The following DECR1 variants were observed in gnomAD, a reference collection of about 807,000 sequenced individuals.
DECR1 encodes 2,4-dienoyl-CoA reductase 1, also known as 2,4-dienoyl-CoA reductase [(3E)-enoyl-CoA-producing], mitochondrial.
Under a neutral mutation model 38.8 loss-of-function variants are expected in DECR1, and 44 were observed. The ratio of observed to expected loss-of-function variants is 1.13; its 90% CI spans 0.89 to 1.46. The LOEUF (loss-of-function observed/expected upper bound fraction) is 1.46, where lower values mean the gene tolerates loss of function less well. Among genes scored for constraint, DECR1 ranks in the 40% most tolerant of loss-of-function variants. The pLI, the probability that DECR1 is intolerant of heterozygous loss-of-function variation, is 0.00. For synonymous variants in DECR1, 148 were observed against 135.2 expected, an observed-to-expected ratio of 1.09 and a Z score of -0.66; for missense variants, 428 against 405.5, an observed-to-expected ratio of 1.06 and a Z score of -0.48.
chr8:90,046,384 G>A (rs990697079), intron 8 of DECR1, among the ~76,000 whole-genome samples: 1 of 152,180 alleles, frequency 6.6e-6, no homozygotes, highest in Non-Finnish European at 1.5e-5. Context: ...TGAGAAATAC[G>A]TGATGCATGA....
chr8:90,011,293 A>G (rs1309119353), intron 1 of DECR1, among the ~76,000 whole-genome samples: 2 of 152,184 alleles, frequency 1.3e-5, no homozygotes, highest in African/African-American at 2.4e-5. Flanking sequence ...CTTTTGGTAG[A>G]TAATAGATCC....
chr8:90,006,721 A>G (rs992292865), intron 1 of DECR1, among the ~76,000 whole-genome samples: 4 of 152,126 alleles, frequency 2.6e-5, no homozygotes, highest in Non-Finnish European at 5.9e-5. Flanking sequence ...CAAAATTGTG[A>G]GCAGAAATAC....
chr8:90,028,704 C>T (rs1785795641), intron 5 of DECR1, among the ~76,000 whole-genome samples: 1 of 151,346 alleles, frequency 6.6e-6, no homozygotes, highest in Admixed American at 6.6e-5. Context: ...TCCCTCCTTC[C>T]CTTCCTTCCT....
intron 5 of DECR1, among the ~76,000 whole-genome samples, chr8:90,034,484 T>C (rs1029426883): frequency 6.6e-6 from 1 of 152,142 alleles, no homozygotes; most frequent in Non-Finnish European, 1.5e-5. Flanking sequence ...GGAGTCTCAC[T>C]CTTGTCACCC....
chr8:90,006,028 A>G, intron 1 of DECR1: 1 of 603,832 alleles, frequency 1.7e-6, no homozygotes. Context: ...CTCACTTGCC[A>G]CTGCCAGGAT....
Position 90,042,808 on chromosome 8 carries a change from G to T in DECR1, c.738+8G>T, listed in dbSNP as rs750666123. 1 of 1,608,956 alleles carries T rather than the reference G, an allele frequency of 6.2e-7. No homozygotes were observed. Among genetic ancestry groups the T allele is most frequent in the Non-Finnish European group, 8.5e-7 (1 of 1,175,518 alleles). ...GGGCCTATAAAAACCAAAGTAAGTT[G>T]TATTTTGCTTGTTATCACATTGTGA... On this transcript the variant is annotated splice_region_variant and intron_variant, in intron 7 of 9. Coordinates refer to ENST00000220764, the MANE Select transcript of DECR1 (RefSeq NM_001359.2).
intron 5 of DECR1, among the ~76,000 whole-genome samples, chr8:90,027,280 T>C (rs1586151868): frequency 6.6e-6 from 1 of 152,182 alleles, no homozygotes; most frequent in Non-Finnish European, 1.5e-5. Context: ...ATATCCTTGT[T>C]AACTTTCCAT....
At chr8:90,042,401 A>G (rs868835304) in intron 6 of DECR1, 3 of 221,042 alleles carry the variant, frequency 1.4e-5, no homozygotes, top group South Asian at 2.2e-4. Flanking sequence ...ACAAAAGTAT[A>G]TATTCTAAAC....
At chr8:90,018,338 G>T (rs1447406784) in intron 2 of DECR1, among the ~76,000 whole-genome samples, 4 of 152,226 alleles carry the variant, frequency 2.6e-5, no homozygotes, top group African/African-American at 7.2e-5. Context: ...TGAGGCTTTA[G>T]AGACTGGTTT....
intron 6 of DECR1, chr8:90,042,482 T>C (rs1586163521): frequency 2.0e-6 from 1 of 506,232 alleles, no homozygotes; most frequent in Admixed American, 3.4e-5. Flanking sequence ...TACAGTAGAG[T>C]GACTAAGGGT....
chr8:90,004,953 C>G (rs886901471), intron 1 of DECR1, among the ~76,000 whole-genome samples: 1 of 152,116 alleles, frequency 6.6e-6, no homozygotes, highest in South Asian at 2.1e-4. Flanking sequence ...TGTGAAGATG[C>G]AGATGTGTAT....
At chr8:90,026,301 C>A (rs1451414983) in intron 5 of DECR1, among the ~76,000 whole-genome samples, 1 of 152,158 alleles carries the variant, frequency 6.6e-6, no homozygotes, top group African/African-American at 2.4e-5. Context: ...AGGAATGGTA[C>A]CAGCTCCTCT....
intron 5 of DECR1, among the ~76,000 whole-genome samples, chr8:90,027,343 T>C (rs1171720059): frequency 2.0e-5 from 3 of 152,158 alleles, no homozygotes; most frequent in African/African-American, 7.2e-5. Context: ...CCCATTATTA[T>C]TGTGTGGGCG....
chr8:90,025,118 C>A (rs368930664), intron 5 of DECR1, among the ~76,000 whole-genome samples: 9 of 152,114 alleles, frequency 5.9e-5, no homozygotes, highest in African/African-American at 1.4e-4. Flanking sequence ...TGTTTTGGTT[C>A]CTGTAGCCTT....
At chr8:90,046,178 C>T (rs537069297) in intron 8 of DECR1, among the ~76,000 whole-genome samples, 87 of 152,280 alleles carry the variant, frequency 5.7e-4, no homozygotes, top group Admixed American at 2.6e-3. Flanking sequence ...CAAAGCTGGA[C>T]GGAGAATGAC....
intron 1 of DECR1, chr8:90,005,801 C>T (rs1812723788): frequency 3.3e-6 from 1 of 302,646 alleles, no homozygotes; most frequent in African/African-American, 2.2e-5. Context: ...GACTGGGCAT[C>T]TGCATCTGGT....
chr8:90,016,318 A>G (rs1242934239), intron 1 of DECR1, among the ~76,000 whole-genome samples: 1 of 152,226 alleles, frequency 6.6e-6, no homozygotes, highest in East Asian at 1.9e-4. Context: ...GTTGAAAGAC[A>G]AAAATGCTTT....
At chr8:90,012,389 G>A (rs372446684) in intron 1 of DECR1, among the ~76,000 whole-genome samples, 17 of 152,182 alleles carry the variant, frequency 1.1e-4, no homozygotes, top group Middle Eastern at 3.4e-3. Context: ...CTGATCTCAG[G>A]TGGTCCACCT....
chr8:90,026,718 C>G (rs1010361508), intron 5 of DECR1, among the ~76,000 whole-genome samples: 5 of 152,022 alleles, frequency 3.3e-5, no homozygotes, highest in Admixed American at 1.3e-4. Context: ...GTGTTTCTAT[C>G]TCCTTCAGTT....
Sources: allele counts gnomAD v4.1 joint callset (sites outside exome capture counted in the v4.1 genomes callset), GRCh38; gene constraint gnomAD v4.1.1; transcripts MANE v1.5; gene names NCBI Gene and HGNC (gene_info 2026-07-23, HGNC 2026-07-21).